Variants in FYN observed in about 807,000 individuals in gnomAD.
FYN encodes the protein FYN proto-oncogene, Src family tyrosine kinase, also known as tyrosine-protein kinase Fyn.
In FYN, 10 loss-of-function variants were observed where a neutral mutation model predicts 70.2. The observed-to-expected ratio is 0.14, with a 90% CI of 0.09 to 0.24. The LOEUF (loss-of-function observed/expected upper bound fraction) is 0.24, where lower values mean the gene tolerates loss of function less well. FYN is among the 10% of genes least tolerant of loss of function. The pLI is 1.00. For synonymous variants in FYN, 236 were observed against 248.6 expected, an observed-to-expected ratio of 0.95 and a Z score of 0.48; for missense variants, 319 against 673.1, an observed-to-expected ratio of 0.47 and a Z score of 5.82.
At chr6:111,693,860 T>C (rs1222848431) in intron 12 of FYN, among the ~76,000 whole-genome samples, 2 of 152,142 alleles carry the variant, frequency 1.3e-5, no homozygotes, top group East Asian at 3.9e-4. Flanking sequence ...GACGTCTCTC[T>C]TTACTGAGGA....
At chr6:111,732,745 T>A (rs1801524068) in intron 3 of FYN, among the ~76,000 whole-genome samples, 1 of 152,194 alleles carries the variant, frequency 6.6e-6, no homozygotes, top group South Asian at 2.1e-4. Context: ...TCCACTTTCC[T>A]TCCTGCTTCC....
chr6:111,784,755 T>G (rs905463287), intron 2 of FYN, among the ~76,000 whole-genome samples: 2 of 152,210 alleles, frequency 1.3e-5, no homozygotes, highest in Non-Finnish European at 2.9e-5. Context: ...TTTCTGGATC[T>G]GCTCCAATTA....
chr6:111,796,124 T>C (rs1050499983), intron 2 of FYN, among the ~76,000 whole-genome samples: 1 of 152,174 alleles, frequency 6.6e-6, no homozygotes, highest in Non-Finnish European at 1.5e-5. Flanking sequence ...ATGACAAAGC[T>C]GGTAAGTTGA....
chr6:111,844,768 T>C (rs1312500861), intron 2 of FYN: 1 of 152,256 alleles, frequency 6.6e-6, no homozygotes, highest in Non-Finnish European at 1.5e-5. Context: ...AATCCATAAC[T>C]GGTCTTACCT....
intron 4 of FYN, among the ~76,000 whole-genome samples, chr6:111,719,197 G>A (rs761034500): frequency 2.0e-5 from 3 of 151,804 alleles, no homozygotes; most frequent in African/African-American, 7.3e-5. Flanking sequence ...CAAATATTTC[G>A]GAAAACATAT....
chr6:111,714,819 TCTC>T (rs1230980196), intron 4 of FYN, among the ~76,000 whole-genome samples: 1 of 152,194 alleles, frequency 6.6e-6, no homozygotes, highest in Non-Finnish European at 1.5e-5. Context: ...GGTCGTATCT[TCTC>T]CTCCACTTGG....
intron 3 of FYN, among the ~76,000 whole-genome samples, chr6:111,730,096 G>A (rs1801380459): frequency 6.6e-6 from 1 of 152,196 alleles, no homozygotes; most frequent in Non-Finnish European, 1.5e-5. Context: ...CTTCTAGAAG[G>A]TGTGAAGGGT....
intron 2 of FYN, among the ~76,000 whole-genome samples, chr6:111,807,199 T>C (rs1295559022): frequency 1.3e-5 from 2 of 152,214 alleles, no homozygotes; most frequent in East Asian, 3.8e-4. Context: ...TTGTATTTAG[T>C]TACATTTCAT....
At chr6:111,685,206 C>A (rs1798947335) in intron 12 of FYN, among the ~76,000 whole-genome samples, 1 of 152,182 alleles carries the variant, frequency 6.6e-6, no homozygotes, top group African/African-American at 2.4e-5. Flanking sequence ...TGTAGCTCAA[C>A]ACAGAAATGA....
chr6:111,871,145 A>G (rs1308462441), intron 1 of FYN, among the ~76,000 whole-genome samples: 1 of 152,260 alleles, frequency 6.6e-6, no homozygotes, highest in Admixed American at 6.5e-5. Flanking sequence ...ATATCGATTA[A>G]GCATGTAATA....
At chr6:111,733,661 G>A (rs555440704) in intron 3 of FYN, among the ~76,000 whole-genome samples, 11 of 152,206 alleles carry the variant, frequency 7.2e-5, no homozygotes, top group African/African-American at 2.4e-4. Flanking sequence ...GGTACAGAGC[G>A]TGTCACTCTG....
intron 2 of FYN, among the ~76,000 whole-genome samples, chr6:111,838,638 ATAGT>A (rs145807408): frequency 3.1e-4 from 47 of 152,358 alleles, no homozygotes; most frequent in African/African-American, 1.1e-3. Flanking sequence ...TTGAAAGGAG[ATAGT>A]TAATTAATTG....
At chr6:111,689,951 A>C (rs1799236572) in intron 12 of FYN, among the ~76,000 whole-genome samples, 1 of 152,244 alleles carries the variant, frequency 6.6e-6, no homozygotes, top group African/African-American at 2.4e-5. Flanking sequence ...AAAGGTATCC[A>C]CAAAAGGAAG....
intron 3 of FYN, among the ~76,000 whole-genome samples, chr6:111,773,625 A>AGGGAGAGAGGGGG (rs1562515469): frequency 5.2e-5 from 2 of 38,834 alleles, no homozygotes; most frequent in African/African-American, 1.1e-4. Context: ...AGAGAGGGGG[A>AGGGAGAGAGGGGG]AAGGAGAGGG....
At chr6:111,662,076 C>G (rs543769366) in intron 13 of FYN, 129 bp from the exon 14 acceptor site, 5 of 701,504 alleles carry the variant, frequency 7.1e-6, no homozygotes, top group Middle Eastern at 4.1e-4. Context: ...CCCATCCCCC[C>G]AGGAGTCAAA....
chr6:111,687,485 C>G (rs1799057804), intron 12 of FYN, among the ~76,000 whole-genome samples: 1 of 152,002 alleles, frequency 6.6e-6, no homozygotes, highest in Non-Finnish European at 1.5e-5. Flanking sequence ...AACCATAGAG[C>G]AACCCCAGTT....
chr6:111,806,042 G>T (rs1292952981), intron 2 of FYN, among the ~76,000 whole-genome samples: 1 of 152,210 alleles, frequency 6.6e-6, no homozygotes, highest in Non-Finnish European at 1.5e-5. Context: ...AGTGGGATGG[G>T]TGCAGTAGGA....
intron 3 of FYN, among the ~76,000 whole-genome samples, chr6:111,761,932 C>G (rs1803025030): frequency 6.6e-6 from 1 of 152,172 alleles, no homozygotes; most frequent in Non-Finnish European, 1.5e-5. Flanking sequence ...AATCCCTGGT[C>G]AGCTCACCGT....
At chr6:111,664,108 AGT>A (rs1797891248) in intron 13 of FYN, among the ~76,000 whole-genome samples, 1 of 152,250 alleles carries the variant, frequency 6.6e-6, no homozygotes, top group Admixed American at 6.5e-5. Flanking sequence ...GATTAGGAAG[AGT>A]GTGTAATCAC....
Sources: allele counts gnomAD v4.1 joint callset (sites outside exome capture counted in the v4.1 genomes callset), GRCh38; gene constraint gnomAD v4.1.1; transcripts MANE v1.5; gene names NCBI Gene and HGNC (gene_info 2026-07-23, HGNC 2026-07-21).